The following DLG2 variants were observed in gnomAD, a reference collection of about 807,000 sequenced individuals.
The protein encoded by DLG2 is discs large MAGUK scaffold protein 2.
Under a neutral mutation model 132.5 loss-of-function variants are expected in DLG2, and 45 were observed. The observed-to-expected ratio is 0.34, with a 90% confidence interval of 0.27 to 0.44. The LOEUF (loss-of-function observed/expected upper bound fraction) is 0.44. DLG2 is among the 20% of genes least tolerant of loss of function. DLG2 has a pLI of 1.00. For missense variants in DLG2, 1,045 were observed against 1,196.9 expected (o/e 0.87, Z 1.87); for synonymous variants, 424 against 419.6 (o/e 1.01, Z -0.13).
chr11:83,809,606 T>C (rs1320322890), intron 17 of DLG2, among the ~76,000 whole-genome samples: 1 of 152,202 alleles, frequency 6.6e-6, no homozygotes, highest in African/African-American at 2.4e-5. Context: ...CCCTTAGTCC[T>C]TGCCTAGAAC....
intron 7 of DLG2, among the ~76,000 whole-genome samples, chr11:84,257,108 A>G (rs531253811): frequency 6.6e-6 from 1 of 152,278 alleles, no homozygotes; most frequent in South Asian, 2.1e-4. Context: ...ACACAGGATA[A>G]CTGTATTGTG....
intron 5 of DLG2, among the ~76,000 whole-genome samples, chr11:85,118,575 G>A (rs996802714): frequency 6.6e-6 from 1 of 152,048 alleles, no homozygotes; most frequent in African/African-American, 2.4e-5. Flanking sequence ...TCAATGGGGA[G>A]AGGACAGCGG....
chr11:84,722,729 A>C (rs1291296100), intron 6 of DLG2, among the ~76,000 whole-genome samples: 2 of 152,176 alleles, frequency 1.3e-5, no homozygotes, highest in Non-Finnish European at 2.9e-5. Context: ...TATGAGCAAA[A>C]TTCAACACGG....
intron 9 of DLG2, among the ~76,000 whole-genome samples, chr11:84,106,977 AGGGT>A (rs2092993170): frequency 2.1e-5 from 2 of 97,446 alleles, no homozygotes; most frequent in African/African-American, 7.8e-5. Context: ...TTTTAGCCTT[AGGGT>A]GTGTGTGTGT....
chr11:84,474,534 C>T (rs1602785913), intron 7 of DLG2, among the ~76,000 whole-genome samples: 1 of 152,050 alleles, frequency 6.6e-6, no homozygotes, highest in Middle Eastern at 3.4e-3. Flanking sequence ...GTGTTGAAGC[C>T]AACTCCTATA....
intron 2 of DLG2, among the ~76,000 whole-genome samples, chr11:85,607,295 A>G (rs141635161): frequency 6.6e-6 from 1 of 152,272 alleles, no homozygotes; most frequent in East Asian, 1.9e-4. Flanking sequence ...GTTTGCCTGG[A>G]ACCAGCTTCT....
intron 6 of DLG2, among the ~76,000 whole-genome samples, chr11:84,896,027 T>C (rs2090139932): frequency 6.6e-6 from 1 of 152,078 alleles, no homozygotes; most frequent in Non-Finnish European, 1.5e-5. Flanking sequence ...TATTAACTGG[T>C]TGATTAGTTA....
chr11:84,640,586 A>G (rs56405892), intron 6 of DLG2: 28,078 of 252,946 alleles, frequency 0.11, 1,700 homozygotes, highest in South Asian at 0.16. Context: ...TTGCCCAGCT[A>G]CAGAAACAAG....
intron 21 of DLG2, among the ~76,000 whole-genome samples, chr11:83,508,980 G>A (rs2094876710): frequency 6.6e-6 from 1 of 152,228 alleles, no homozygotes. Flanking sequence ...AGGAACAGAT[G>A]CTGTGACCTA....
chr11:83,578,959 A>C (rs573075899), intron 19 of DLG2, among the ~76,000 whole-genome samples: 1 of 152,366 alleles, frequency 6.6e-6, no homozygotes, highest in South Asian at 2.1e-4. Flanking sequence ...AGACCTGCCT[A>C]GTATAGAATA....
chr11:84,889,491 A>C (rs1388482770), intron 6 of DLG2, among the ~76,000 whole-genome samples: 1 of 152,130 alleles, frequency 6.6e-6, no homozygotes, highest in Non-Finnish European at 1.5e-5. Context: ...CCTACAAACA[A>C]CCATTACTAC....
intron 7 of DLG2, among the ~76,000 whole-genome samples, chr11:84,402,686 C>A (rs2098833938): frequency 6.6e-6 from 1 of 151,782 alleles, no homozygotes; most frequent in Non-Finnish European, 1.5e-5. Context: ...ATAAAGACCA[C>A]CCCGGCTCAC....
At chr11:84,382,994 A>C (rs1187758807) in intron 7 of DLG2, among the ~76,000 whole-genome samples, 1 of 151,558 alleles carries the variant, frequency 6.6e-6, no homozygotes, top group African/African-American at 2.4e-5. Flanking sequence ...ACCTCCTTCC[A>C]TCTGTCCTCC....
chr11:84,209,154 C>A (rs2096717684), intron 8 of DLG2, among the ~76,000 whole-genome samples: 1 of 152,206 alleles, frequency 6.6e-6, no homozygotes. Context: ...CACATCACCT[C>A]ATGTGATGTA....
chr11:83,836,301 T>G (rs1382171392), intron 16 of DLG2, among the ~76,000 whole-genome samples: 1 of 152,150 alleles, frequency 6.6e-6, no homozygotes. Flanking sequence ...AGGAAAATGT[T>G]TAACCAAATA....
At chr11:84,884,307 G>A (rs1188144073) in intron 6 of DLG2, among the ~76,000 whole-genome samples, 1 of 148,582 alleles carries the variant, frequency 6.7e-6, no homozygotes, top group Non-Finnish European at 1.5e-5. Flanking sequence ...GTCTTAGTGT[G>A]ATGGATTTGT....
chr11:83,640,765 C>T (rs915932733), intron 18 of DLG2, among the ~76,000 whole-genome samples: 4 of 152,214 alleles, frequency 2.6e-5, no homozygotes, highest in Admixed American at 2.0e-4. Context: ...TAGATGGTAA[C>T]AGGATATCAA....
At chr11:84,147,611 G>T (rs761061837) in intron 9 of DLG2, among the ~76,000 whole-genome samples, 1 of 152,016 alleles carries the variant, frequency 6.6e-6, no homozygotes, top group Non-Finnish European at 1.5e-5. Context: ...TGTTATTCTA[G>T]AAAAAATTAT....
intron 7 of DLG2, among the ~76,000 whole-genome samples, chr11:84,329,070 G>T (rs983540200): frequency 2.6e-5 from 4 of 151,952 alleles, no homozygotes; most frequent in African/African-American, 9.6e-5. Context: ...CAACATGCAG[G>T]ATATCCCTTG....
Sources: allele counts gnomAD v4.1 joint callset (sites outside exome capture counted in the v4.1 genomes callset), GRCh38; gene constraint gnomAD v4.1.1; transcripts MANE v1.5; gene names NCBI Gene and HGNC (gene_info 2026-07-23, HGNC 2026-07-21).